IQSEC1: variants seen among roughly 807,000 people sequenced by gnomAD.
IQSEC1 encodes the protein IQ motif and SEC7 domain-containing protein 1.
A neutral mutation model predicts 91.0 loss-of-function variants in IQSEC1; 31 were observed. The observed-to-expected ratio is 0.34, with a 90% confidence interval of 0.26 to 0.46. The LOEUF (loss-of-function observed/expected upper bound fraction) is 0.46, where lower values mean the gene tolerates loss of function less well. IQSEC1 is among the 20% of genes least tolerant of loss of function. IQSEC1 has a pLI of 1.00. For missense variants in IQSEC1, 1,388 were observed against 1,575.6 expected (o/e 0.88, Z 2.02); for synonymous variants, 699 against 662.6 (o/e 1.05, Z -0.84).
chr3:13,128,792 G>A (rs942444688), intron 2 of IQSEC1, among the ~76,000 whole-genome samples: 1 of 149,002 alleles, frequency 6.7e-6, no homozygotes, highest in Non-Finnish European at 1.5e-5. Context: ...CAGGAGAATC[G>A]CTTGAACCTG....
At chr3:13,269,875 C>T (rs1018980424) in intron 1 of IQSEC1, among the ~76,000 whole-genome samples, 3 of 152,232 alleles carry the variant, frequency 2.0e-5, no homozygotes, top group African/African-American at 4.8e-5. Flanking sequence ...TGAATTTGGG[C>T]TGGCCTTGTG....
rs775599935 is a variant in IQSEC1, at chr3:12,936,307, C to A, written c.709G>T (p.Ala237Ser). ...DAFSRQVKSL[A>S]ESIDDALNCR... ...TTGAGGGCATCGTCGATGGACTCGG[C>A]CAGTGATTTCACTTGCCTAGAGAAG... The change falls in exon 3 of 14, where the codon GCC (alanine) becomes TCC (serine). Residue 237 changes from alanine to serine, a missense_variant. By Grantham distance (99) the Ala-to-Ser change is moderately conservative. Around this residue, in one of 2 missense-constraint regions of IQSEC1, gnomAD observed 1,059 missense variants for 1,317.8 expected, o/e 0.80. Coordinates refer to ENST00000613206, the MANE Select transcript of IQSEC1 (RefSeq NM_001134382.3). 11 of 1,612,550 alleles carry A rather than the reference C, an allele frequency of 6.8e-6. No homozygotes were observed. The South Asian group carries it at 9.9e-5, about 14-fold the overall frequency.
At chr3:12,906,500 A>G (rs1002487656) in intron 12 of IQSEC1, among the ~76,000 whole-genome samples, 1 of 151,880 alleles carries the variant, frequency 6.6e-6, no homozygotes, top group African/African-American at 2.4e-5. Flanking sequence ...ACCTCGCTTC[A>G]CCCCCAAACC....
Position 13,090,149 on chromosome 3 carries a change from C to T in IQSEC1, c.303-42627G>A, listed in dbSNP as rs1705833195. 2.0e-5 allele frequency among the ~76,000 whole-genome samples: 3 copies of T among 150,834 alleles called. No individual in the cohort carries two copies. In the South Asian group the frequency reaches 6.4e-4, roughly 32 times the overall value. On this transcript the variant is annotated intron_variant, in intron 2 of 15. Transcript: ENST00000648114. ...AGGAGAATGGCGTGAACCTGGGAGGCGGAGCTTGCAGTGAGCCAAGATCGC... is the reference window on the plus strand; with the variant it reads ...AGGAGAATGGCGTGAACCTGGGAGGTGGAGCTTGCAGTGAGCCAAGATCGC...
chr3:13,186,636 T>C (rs1276450262), intron 1 of IQSEC1, among the ~76,000 whole-genome samples: 1 of 152,160 alleles, frequency 6.6e-6, no homozygotes, highest in African/African-American at 2.4e-5. Flanking sequence ...TCTGGAGATC[T>C]GGATGCACAG....
At chr3:12,914,796 G>A (rs1695914256) in intron 8 of IQSEC1, among the ~76,000 whole-genome samples, 1 of 152,024 alleles carries the variant, frequency 6.6e-6, no homozygotes, top group Non-Finnish European at 1.5e-5. Context: ...ACAGAGCAGG[G>A]CCAGGTAGCG....
intron 1 of IQSEC1, among the ~76,000 whole-genome samples, chr3:13,275,933 G>C (rs1028220540): frequency 1.4e-4 from 22 of 152,350 alleles, no homozygotes; most frequent in Admixed American, 3.9e-4. Flanking sequence ...CAAGGACGGA[G>C]GGGCATGGAA....
intron 2 of IQSEC1, among the ~76,000 whole-genome samples, chr3:13,085,883 C>T (rs1419218820): frequency 6.6e-6 from 1 of 152,244 alleles, no homozygotes; most frequent in African/African-American, 2.4e-5. Flanking sequence ...TCACCTCTCT[C>T]TTCAGACAGT....
At chr3:13,059,610 AGT>A (rs1269177736) in intron 1 of IQSEC1, among the ~76,000 whole-genome samples, 2 of 152,080 alleles carry the variant, frequency 1.3e-5, no homozygotes, top group Non-Finnish European at 2.9e-5. Flanking sequence ...AAAATTAGCC[AGT>A]GTGGTGGTGG....
At chr3:12,999,193 C>T (rs934064942) in intron 1 of IQSEC1, among the ~76,000 whole-genome samples, 7 of 152,170 alleles carry the variant, frequency 4.6e-5, no homozygotes, top group Admixed American at 2.6e-4. Flanking sequence ...CTCAAGGTCC[C>T]CTCTATCAAG....
At chr3:13,262,232 C>T (rs1328182913) in intron 1 of IQSEC1, among the ~76,000 whole-genome samples, 2 of 152,194 alleles carry the variant, frequency 1.3e-5, no homozygotes, top group Non-Finnish European at 2.9e-5. Flanking sequence ...GGGGTCTGTG[C>T]GCTCAACACT....
At chr3:13,149,433 G>C (rs1403768699) in intron 2 of IQSEC1, among the ~76,000 whole-genome samples, 1 of 151,980 alleles carries the variant, frequency 6.6e-6, no homozygotes, top group Non-Finnish European at 1.5e-5. Flanking sequence ...CGGGGTGGGG[G>C]GGCGGACAGA....
intron 2 of IQSEC1, among the ~76,000 whole-genome samples, chr3:13,082,722 G>T (rs1328411516): frequency 6.6e-6 from 1 of 152,180 alleles, no homozygotes; most frequent in African/African-American, 2.4e-5. Context: ...CCATGTCGTA[G>T]CTCTGGTTCC....
At chr3:13,060,873 T>C (rs972473990) in intron 1 of IQSEC1, among the ~76,000 whole-genome samples, 2 of 152,138 alleles carry the variant, frequency 1.3e-5, no homozygotes, top group Non-Finnish European at 2.9e-5. Context: ...CCAGGCCTGA[T>C]ATCCAGAGTC....
intron 1 of IQSEC1, among the ~76,000 whole-genome samples, chr3:13,010,033 T>C (rs986228980): frequency 1.3e-5 from 2 of 152,266 alleles, no homozygotes; most frequent in Non-Finnish European, 2.9e-5. Flanking sequence ...GGCAAGTGAC[T>C]GTGTCTCCCT....
At chr3:13,051,248 A>G (rs576077022) in intron 1 of IQSEC1, among the ~76,000 whole-genome samples, 56 of 152,262 alleles carry the variant, frequency 3.7e-4, no homozygotes, top group African/African-American at 1.3e-3. Flanking sequence ...ATGCTGAGTG[A>G]GGCCCCTCCT....
chr3:12,962,823 A>G (rs1700326538), intron 1 of IQSEC1, among the ~76,000 whole-genome samples: 1 of 152,250 alleles, frequency 6.6e-6, no homozygotes, highest in Admixed American at 6.5e-5. Flanking sequence ...GTGGGGAAAG[A>G]GACAAGATGC....
chr3:13,013,951 C>T (rs976019569), intron 1 of IQSEC1, among the ~76,000 whole-genome samples: 1 of 152,230 alleles, frequency 6.6e-6, no homozygotes, highest in Non-Finnish European at 1.5e-5. Flanking sequence ...CCCAGGCAGG[C>T]AGCAGGGGCT....
At chr3:13,152,908 G>T (rs1222544259) in intron 2 of IQSEC1, among the ~76,000 whole-genome samples, 1 of 152,110 alleles carries the variant, frequency 6.6e-6, no homozygotes, top group African/African-American at 2.4e-5. Context: ...TGAAAAAAAA[G>T]TGTTCTTGGT....
Sources: gnomAD v4.1 joint callset for allele counts (sites outside exome capture counted in the v4.1 genomes callset) on GRCh38, gnomAD v4.1.1 for gene constraint, gnomAD v4.1.1 regional missense constraint, MANE v1.5 for transcripts, NCBI Gene and HGNC (gene_info 2026-07-23, HGNC 2026-07-21) for gene names.